POLRMT: variants seen among roughly 807,000 people sequenced by gnomAD.
POLRMT encodes the protein RNA polymerase mitochondrial.
A neutral mutation model predicts 132.2 loss-of-function variants in POLRMT; 114 were observed. That is an observed-to-expected ratio of 0.86 (90% CI 0.74 to 1.01). POLRMT has a LOEUF of 1.01. POLRMT is among the 50% of genes least tolerant of loss of function. The pLI, the probability that POLRMT is intolerant of heterozygous loss-of-function variation, is 0.00. For missense variants in POLRMT, 2,003 were observed against 1,729.1 expected, an observed-to-expected ratio of 1.16 and a Z score of -2.81; for synonymous variants, 1,020 against 773.4, an observed-to-expected ratio of 1.32 and a Z score of -5.29.
At position 629,471 on chromosome 19, in the gene POLRMT, A is replaced by T. The variant is rs1469803242; in HGVS notation, c.822+69T>A. On this transcript the variant is annotated intron_variant, in intron 3 of 20. Transcript: ENST00000588649. The stretch of plus-strand genomic sequence containing the variant: ...CCTGGGGGCTAAGAGAGAAAAGTCC[A>T]GTCTAAATGAGGGCAAGTTCCTGTC... 7 of 1,382,900 alleles carry T rather than the reference A, an allele frequency of 5.1e-6. No homozygotes were observed. In the Admixed American group the frequency reaches 8.2e-5, roughly 16 times the overall value. The allele number at this position is 1,382,900 out of a possible 1,614,324, so 85.7% of individuals were successfully genotyped here.
At chr19:623,311 C>T (rs1026007120) in intron 6 of POLRMT, 143 bp downstream of exon 6, 69 of 1,392,158 alleles carry the variant, frequency 5.0e-5, no homozygotes, top group Non-Finnish European at 6.6e-5. Flanking sequence ...CAACCGCATA[C>T]ACGGAGCTCA....
At chr19:626,015 T>A (rs1219399793) in intron 3 of POLRMT, among the ~76,000 whole-genome samples, 1 of 151,956 alleles carries the variant, frequency 6.6e-6, no homozygotes, top group Non-Finnish European at 1.5e-5. Context: ...CCTTTCCGAA[T>A]ATAGGCATTT....
rs748846799 is a variant in POLRMT at position 621,455 on chromosome 19, TGCGGCAGGTGGGCCTCGG to T, written c.2225_2242del (p.Pro742_Pro747del). The T allele has an allele frequency of 2.9e-4, 396 of 1,385,800 alleles. No individual in the cohort carries two copies. The highest frequency in any genetic ancestry group is 3.2e-4 in the Non-Finnish European group (340 of 1,079,108). 85.8% of individuals were successfully genotyped at this position (1,385,800 alleles called of 1,614,324 possible). A position where few individuals can be genotyped will look rare whatever the true frequency, so the allele number is the denominator to read the frequency against. ...GGCCTTGCGGGCGGGCGCGGCGCTGTGCGGCAGGTGGGCCTCGGGCGGCTGGGGCGCCTCGGAGGGCGG... is the reference window on the plus strand; with the variant it reads ...GGCCTTGCGGGCGGGCGCGGCGCTGTGCGGCTGGGGCGCCTCGGAGGGCGG... On this transcript the variant is annotated inframe_deletion, in exon 10 of 21. Coordinates refer to ENST00000588649, the MANE Select transcript of POLRMT (RefSeq NM_005035.4).
chr19:628,285 GGCTCTCT>G (rs1327458045), intron 3 of POLRMT, among the ~76,000 whole-genome samples: 1 of 152,212 alleles, frequency 6.6e-6, no homozygotes, highest in African/African-American at 2.4e-5. Flanking sequence ...TTACAGTGTG[GGCTCTCT>G]GCCCAGGGAA....
Position 621,612 on chromosome 19 carries a change from G to A in POLRMT, c.2086C>T (p.Leu696=), listed in dbSNP as rs1471198829. 23 of 1,513,890 alleles carry A rather than the reference G, an allele frequency of 1.5e-5. No homozygotes were observed. Among genetic ancestry groups the A allele is most frequent in the Non-Finnish European group, 2.0e-5 (23 of 1,133,834 alleles). The allele number at this position is 1,513,890 out of a possible 1,614,324, so 93.8% of individuals were successfully genotyped here. A position where few individuals can be genotyped will look rare whatever the true frequency, so the allele number is the denominator to read the frequency against. Residue 696 remains leucine, a synonymous_variant, in exon 10 of 21, where the codon CTG becomes TTG. Coordinates refer to ENST00000588649, the MANE Select transcript of POLRMT (RefSeq NM_005035.4). ...TCPPTALHGA[L]DALTQLGNCA... ...TTGCCCAGTTGGGTGAGGGCGTCCA[G>A]TGCGCCATGCAGCGCGGTGGGCGGG...
At chr19:633,371 G>A in intron 1 of POLRMT, 54 bp downstream of exon 1, 1 of 1,436,360 alleles carries the variant, frequency 7.0e-7, no homozygotes, top group Non-Finnish European at 9.2e-7. Flanking sequence ...GGCCGCGCGG[G>A]GAGGAGCCCA....
chr19:633,012 G>C (rs1387800612), intron 1 of POLRMT, 74 bp from the exon 2 acceptor site: 1 of 1,076,928 alleles, frequency 9.3e-7, no homozygotes, highest in East Asian at 3.1e-5. Flanking sequence ...AGAAGCCGAA[G>C]GGTCGAAGGG....
Position 623,547 on chromosome 19 carries a change from G to A in POLRMT, c.1197C>T (p.Leu399=). 1 of 1,613,732 alleles carries A rather than the reference G, an allele frequency of 6.2e-7. No homozygotes were observed. The highest frequency in any genetic ancestry group is 1.3e-5 in the African/African-American group (1 of 75,072). ...LHLPLKTLQC[L]FEKQLHMELA... is the part of the protein sequence containing the mutation. ...GCTCCATGTGGAGCTGCTTCTCAAA[G>A]AGGCACTGCAGGGTCTTCAAGGGCA... is the stretch of plus-strand genomic sequence containing the variant. The change falls in exon 6 of 21, where the codon CTC becomes CTT. Residue 399 remains leucine (L), a synonymous_variant. Transcript: ENST00000588649.
In POLRMT at chr19:621,155, AG is replaced by A; in HGVS notation, c.2542del (p.Leu848SerfsTer4). ...LDWLKIHLVNLTGLKKREPLR... is the reference protein window; with the variant it reads ...LDWLKIHLVNXTGLKKREPLR... The stretch of plus-strand genomic sequence containing the variant: ...CGGCTCCCGCTTCTTCAACCCCGTG[AG>A]ATTGACCAGGTGGATCTTGAGCCAA... On this transcript the variant is annotated frameshift_variant, in exon 10 of 21. Transcript: ENST00000588649. LOFTEE classifies it high-confidence loss of function. The A allele has an allele frequency of 6.2e-7, 1 of 1,610,828 alleles. No individual in the cohort carries two copies.
intron 5 of POLRMT, among the ~76,000 whole-genome samples, chr19:624,072 A>G (rs906874395): frequency 6.6e-6 from 1 of 152,256 alleles, no homozygotes; most frequent in African/African-American, 2.4e-5. Flanking sequence ...CGATAAGTAG[A>G]AACAGCCCAA....
Position 619,435 on chromosome 19 carries a change from G to A in POLRMT, c.3067-139C>T, listed in dbSNP as rs1984319648. ...GGGAATGGGGCCTGGCGCCCACGCA[G>A]TCAGCAAGAAACGCCCAAGCCCTAA... On this transcript the variant is annotated intron_variant, in intron 13 of 20. Coordinates refer to ENST00000588649, the MANE Select transcript of POLRMT (RefSeq NM_005035.4). The A allele has an allele frequency of 3.7e-6, 5 of 1,365,418 alleles. No individual in the cohort carries two copies. In the South Asian group the frequency reaches 6.4e-5, roughly 17 times the overall value. 84.6% of individuals were successfully genotyped at this position (1,365,418 alleles called of 1,614,324 possible). A position where few individuals can be genotyped will look rare whatever the true frequency, so the allele number is the denominator to read the frequency against.
intron 5 of POLRMT, among the ~76,000 whole-genome samples, chr19:623,959 G>A (rs777689885): frequency 6.6e-6 from 1 of 152,218 alleles, no homozygotes; most frequent in Non-Finnish European, 1.5e-5. Context: ...TCCAGAAATA[G>A]ATGAATTAAA....
At chr19:618,244 G>A in intron 17 of POLRMT, 1 of 555,620 alleles carries the variant, frequency 1.8e-6, no homozygotes, top group Admixed American at 3.2e-5. Context: ...GCCAAGAAAT[G>A]CCCAGCAGGA....
chr19:632,228 C>G (rs1346849038), intron 2 of POLRMT, among the ~76,000 whole-genome samples: 1 of 150,124 alleles, frequency 6.7e-6, no homozygotes, highest in Non-Finnish European at 1.5e-5. Context: ...AGCCACCGCA[C>G]CTGGCCAGGT....
chr19:620,044 G>A lies in POLRMT; in HGVS notation c.2800C>T (p.Leu934=), dbSNP rs955684067. The A allele has an allele frequency of 3.2e-6, 5 of 1,554,886 alleles. No homozygotes were observed. Among genetic ancestry groups the A allele is most frequent in the Admixed American group, 1.9e-5 (1 of 52,242 alleles). The change falls in exon 12 of 21, where the codon CTG becomes TTG. Residue 934 remains leucine (L), a synonymous_variant. Transcript: ENST00000588649. ...SCNGLQHYAA[L]GRDSVGAASV... ...GCGGCGCCCACGCTGTCGCGGCCCA[G>A]AGCAGCATAATGCTGCAGGCCGTTG...
chr19:632,771 C>A, intron 2 of POLRMT, 63 bp downstream of exon 2: 1 of 1,398,168 alleles, frequency 7.2e-7, no homozygotes, highest in East Asian at 2.6e-5. Context: ...GAGCCTTTGC[C>A]TTTTCTCCCG....
rs1252009438 is a variant in POLRMT at position 621,847 on chromosome 19, C to G, written c.1852-1G>C. The G allele has an allele frequency of 3.1e-6, 5 of 1,601,686 alleles. No homozygotes were observed. Among genetic ancestry groups the G allele is most frequent in the African/African-American group, 1.3e-5 (1 of 75,066 alleles). On this transcript the variant is annotated splice_acceptor_variant, in intron 9 of 20. Transcript: ENST00000588649. LOFTEE classifies it high-confidence loss of function. The stretch of plus-strand genomic sequence containing the variant: ...CCGGGTGCGGCTTCAGGATGCCGAT[C>G]TGGGGTGCGACAGGCAGACGGGTCA...
intron 13 of POLRMT, 104 bp from the exon 14 acceptor site, chr19:619,400 A>T: frequency 7.1e-7 from 1 of 1,408,120 alleles, no homozygotes. Flanking sequence ...AGGGCCTAGC[A>T]GGGGGGCAGG....
At chr19:628,325 A>G (rs1985167276) in intron 3 of POLRMT, among the ~76,000 whole-genome samples, 1 of 152,068 alleles carries the variant, frequency 6.6e-6, no homozygotes, top group Admixed American at 6.5e-5. Flanking sequence ...GTGACCTTGG[A>G]GGGGAAAATA....
Sources: allele counts gnomAD v4.1 joint callset (sites outside exome capture counted in the v4.1 genomes callset), GRCh38; gene constraint gnomAD v4.1.1; transcripts MANE v1.5; gene names NCBI Gene and HGNC (gene_info 2026-07-23, HGNC 2026-07-21).